Variants in FBXO38 observed in about 807,000 individuals in gnomAD.
FBXO38 encodes F-box only protein 38.
Under a neutral mutation model 131.9 loss-of-function variants are expected in FBXO38, and 53 were observed. The ratio of observed to expected loss-of-function variants is 0.40; its 90% CI spans 0.32 to 0.51. The LOEUF is 0.51. FBXO38 is among the 20% of genes least tolerant of loss of function. FBXO38 has a pLI of 0.53. For missense variants in FBXO38, 1,076 were observed against 1,475.6 expected, an observed-to-expected ratio of 0.73 and a Z score of 4.44; for synonymous variants, 452 against 505.6, an observed-to-expected ratio of 0.89 and a Z score of 1.42.
intron 14 of FBXO38, 54 bp downstream of exon 14, chr5:148,425,755 A>G (rs1408091381): frequency 6.7e-7 from 1 of 1,503,426 alleles, no homozygotes; most frequent in East Asian, 2.3e-5. Flanking sequence ...CAGAACTGAC[A>G]CACTTGGCCT....
intron 7 of FBXO38, 22 bp downstream of exon 7, chr5:148,406,416 T>G: frequency 6.6e-7 from 1 of 1,512,436 alleles, no homozygotes; most frequent in Non-Finnish European, 8.9e-7. Context: ...CTTTAATTAC[T>G]AAATATTTTT....
intron 17 of FBXO38, 104 bp from the exon 18 acceptor site, chr5:148,438,228 C>T: frequency 1.8e-5 from 17 of 938,062 alleles, no homozygotes; most frequent in South Asian, 5.8e-5. Flanking sequence ...ATTATTTGAC[C>T]TCTGTTAAAG....
chr5:148,423,870 G>C (rs1356669948), intron 12 of FBXO38, 128 bp from the exon 13 acceptor site: 4 of 713,024 alleles, frequency 5.6e-6, no homozygotes, highest in Non-Finnish European at 9.2e-6. Flanking sequence ...TGCAGTATAT[G>C]CTGTTCTTTC....
chr5:148,437,570 A>G (rs1324098874), intron 17 of FBXO38, among the ~76,000 whole-genome samples: 1 of 152,190 alleles, frequency 6.6e-6, no homozygotes, highest in Non-Finnish European at 1.5e-5. Context: ...AATCTTTTCC[A>G]TTTGATCTCT....
At chr5:148,399,922 A>T (rs376088070) in intron 3 of FBXO38, among the ~76,000 whole-genome samples, 1 of 151,928 alleles carries the variant, frequency 6.6e-6, no homozygotes, top group African/African-American at 2.4e-5. Flanking sequence ...GGAACCAAAA[A>T]ATAAAAATAA....
chr5:148,387,756 A>T (rs1350281183), intron 1 of FBXO38, among the ~76,000 whole-genome samples: 1 of 140,640 alleles, frequency 7.1e-6, no homozygotes, highest in African/African-American at 2.7e-5. Context: ...CAGTCGTACG[A>T]TCTTGGCTCA....
chr5:148,432,780 C>T (rs1445838222), intron 15 of FBXO38, among the ~76,000 whole-genome samples: 5 of 152,132 alleles, frequency 3.3e-5, no homozygotes, highest in Non-Finnish European at 1.5e-5. Context: ...TTGCCTTTAA[C>T]GAGCTGTTAT....
intron 17 of FBXO38, among the ~76,000 whole-genome samples, chr5:148,435,702 G>C (rs1258368304): frequency 2.0e-5 from 3 of 152,130 alleles, no homozygotes; most frequent in Non-Finnish European, 4.4e-5. Context: ...CCCGGTAGGC[G>C]GGGCTTGCAG....
At chr5:148,402,605 TG>T in intron 5 of FBXO38, 92 bp downstream of exon 5, 1 of 1,132,132 alleles carries the variant, frequency 8.8e-7, no homozygotes. Context: ...ATTTTAGAGA[TG>T]GCTTTGTTGA....
chr5:148,424,173 T>G, intron 13 of FBXO38, 56 bp downstream of exon 13: 1 of 1,548,062 alleles, frequency 6.5e-7, no homozygotes, highest in South Asian at 1.2e-5. Context: ...CTAACTGTAA[T>G]GAAGTACATG....
At chr5:148,417,268 T>C in intron 12 of FBXO38, 64 bp downstream of exon 12, 1 of 1,159,732 alleles carries the variant, frequency 8.6e-7, no homozygotes, top group East Asian at 2.4e-5. Flanking sequence ...TATTTCTGGC[T>C]TTATCCTGTT....
intron 9 of FBXO38, chr5:148,413,866 T>G: frequency 3.4e-6 from 1 of 294,358 alleles, no homozygotes; most frequent in South Asian, 1.1e-4. Context: ...GCTTTAAGAA[T>G]TTTTGCCTTT....
chr5:148,430,109 A>T (rs554591693), intron 15 of FBXO38: 1 of 150,324 alleles, frequency 6.7e-6, no homozygotes, highest in Non-Finnish European at 1.5e-5. Flanking sequence ...AAAAAACAAG[A>T]AGTTATTTGG....
chr5:148,390,848 G>A (rs1310442900), intron 1 of FBXO38, among the ~76,000 whole-genome samples: 1 of 152,176 alleles, frequency 6.6e-6, no homozygotes, highest in Non-Finnish European at 1.5e-5. Flanking sequence ...GGTGGAATCA[G>A]TAGAGGAAGG....
intron 14 of FBXO38, among the ~76,000 whole-genome samples, chr5:148,426,223 T>C (rs1291832917): frequency 2.6e-5 from 4 of 152,230 alleles, no homozygotes; most frequent in Non-Finnish European, 4.4e-5. Context: ...AAGTTCATAC[T>C]TCTTCCTTGT....
At chr5:148,435,466 A>G (rs1754292464) in intron 17 of FBXO38, among the ~76,000 whole-genome samples, 1 of 152,158 alleles carries the variant, frequency 6.6e-6, no homozygotes, top group Non-Finnish European at 1.5e-5. Context: ...TCATTGCTAT[A>G]TTTTTATTTA....
At chr5:148,396,959 CAG>C (rs1217570365) in intron 2 of FBXO38, among the ~76,000 whole-genome samples, 2 of 152,086 alleles carry the variant, frequency 1.3e-5, no homozygotes, top group Non-Finnish European at 1.5e-5. Flanking sequence ...GCAGTTCAAA[CAG>C]AATATTCAAA....
rs1263665646 is a variant in FBXO38 at position 148,427,478 on chromosome 5, A to G, written c.2184A>G (p.Val728=). The stretch of plus-strand genomic sequence containing the variant: ...CTGCTTCTCAAAGCCCCGACTTTGT[A>G]AGGACGGTGAACAGCGGCGGCTCTT... ...HNTASQSPDF[V]RTVNSGGSSE... The change falls in exon 15 of 22, where the codon GTA becomes GTG. Residue 728 remains valine (V), a synonymous_variant. Coordinates refer to ENST00000340253, the MANE Select transcript of FBXO38 (RefSeq NM_205836.3). 1 of 1,614,200 alleles carries G rather than the reference A, an allele frequency of 6.2e-7. No homozygotes were observed. Among genetic ancestry groups the G allele is most frequent in the Admixed American group, 1.7e-5 (1 of 60,018 alleles).
At chr5:148,386,477 T>A (rs1057439018) in intron 1 of FBXO38, among the ~76,000 whole-genome samples, 4 of 152,200 alleles carry the variant, frequency 2.6e-5, no homozygotes, top group Middle Eastern at 6.8e-3. Flanking sequence ...TGCATGAGTC[T>A]GGAAAACGGA....
Sources: allele counts gnomAD v4.1 joint callset (sites outside exome capture counted in the v4.1 genomes callset), GRCh38; gene constraint gnomAD v4.1.1; transcripts MANE v1.5; gene names NCBI Gene and HGNC (gene_info 2026-07-23, HGNC 2026-07-21).